PALM2AKAP2: variants seen among roughly 807,000 people sequenced by gnomAD.
The protein encoded by PALM2AKAP2 is PALM2-AKAP2 fusion protein.
A neutral mutation model predicts 71.5 loss-of-function variants in PALM2AKAP2; 37 were observed. The ratio of observed to expected loss-of-function variants is 0.52; its 90% CI spans 0.40 to 0.68. The LOEUF is 0.68. Ranked by LOEUF, PALM2AKAP2 falls within the 30% of genes least tolerant of loss-of-function variation. PALM2AKAP2 has a pLI of 0.00. For synonymous variants in PALM2AKAP2, 468 were observed against 478.8 expected, an observed-to-expected ratio of 0.98 and a Z score of 0.29; for missense variants, 1,224 against 1,191.8, an observed-to-expected ratio of 1.03 and a Z score of -0.40.
At chr9:109,801,574 G>A (rs1000316616) in intron 1 of PALM2AKAP2, among the ~76,000 whole-genome samples, 19 of 152,198 alleles carry the variant, frequency 1.2e-4, no homozygotes, top group Admixed American at 5.9e-4. Flanking sequence ...CTGGTGGCCT[G>A]TCAGCATGGA....
intron 1 of PALM2AKAP2, among the ~76,000 whole-genome samples, chr9:109,792,580 A>G (rs1827144876): frequency 6.6e-6 from 1 of 152,136 alleles, no homozygotes; most frequent in South Asian, 2.1e-4. Flanking sequence ...AATCTAAGTC[A>G]TTCTGCTTGG....
intron 2 of PALM2AKAP2, among the ~76,000 whole-genome samples, chr9:110,151,080 A>G (rs1046861987): frequency 6.6e-6 from 1 of 152,244 alleles, no homozygotes; most frequent in African/African-American, 2.4e-5. Context: ...TACTTATTAA[A>G]TGAACTTGGG....
At chr9:109,976,180 C>T (rs558876571) in intron 6 of PALM2AKAP2, among the ~76,000 whole-genome samples, 1 of 152,322 alleles carries the variant, frequency 6.6e-6, no homozygotes, top group Admixed American at 6.5e-5. Context: ...CCTTCTCATC[C>T]AGCACTACAG....
At chr9:109,699,854 C>T (rs1294019274) in intron 1 of PALM2AKAP2, among the ~76,000 whole-genome samples, 2 of 151,670 alleles carry the variant, frequency 1.3e-5, no homozygotes, top group East Asian at 1.9e-4. Context: ...CGGCTCACTG[C>T]AACCTCCGCC....
chr9:109,741,668 A>G (rs974916462), intron 1 of PALM2AKAP2, among the ~76,000 whole-genome samples: 1 of 152,198 alleles, frequency 6.6e-6, no homozygotes, highest in Non-Finnish European at 1.5e-5. Context: ...CATTCTGGAC[A>G]GTGTTCTGTG....
intron 1 of PALM2AKAP2, among the ~76,000 whole-genome samples, chr9:110,065,810 T>C (rs777167242): frequency 1.3e-5 from 2 of 152,252 alleles, no homozygotes; most frequent in African/African-American, 2.4e-5. Context: ...CACGTATTTG[T>C]CTTTCTGTGA....
chr9:109,961,190 A>G (rs1176247622), intron 6 of PALM2AKAP2, among the ~76,000 whole-genome samples: 1 of 152,234 alleles, frequency 6.6e-6, no homozygotes, highest in Non-Finnish European at 1.5e-5. Context: ...CTAAAATTCA[A>G]CCAGAAACTT....
chr9:109,761,077 A>G (rs1829044656), intron 1 of PALM2AKAP2, among the ~76,000 whole-genome samples: 1 of 152,210 alleles, frequency 6.6e-6, no homozygotes. Context: ...ATCATTTCTT[A>G]TGTTCTTCAT....
intron 6 of PALM2AKAP2, among the ~76,000 whole-genome samples, chr9:109,962,467 G>A (rs373786945): frequency 3.9e-5 from 6 of 152,058 alleles, no homozygotes; most frequent in African/African-American, 1.4e-4. Flanking sequence ...GCCTTATTGA[G>A]TAGTTGGGAA....
chr9:110,011,620 T>A (rs1832886528), intron 6 of PALM2AKAP2, among the ~76,000 whole-genome samples: 1 of 152,218 alleles, frequency 6.6e-6, no homozygotes. Flanking sequence ...TGTATAAACA[T>A]CTTCCTATAA....
chr9:109,965,202 A>G (rs1831924319), intron 6 of PALM2AKAP2, among the ~76,000 whole-genome samples: 1 of 152,200 alleles, frequency 6.6e-6, no homozygotes, highest in Admixed American at 6.5e-5. Flanking sequence ...AATCCCTACG[A>G]TAGATTTGTA....
At position 110,036,675 on chromosome 9, in the gene PALM2AKAP2, G is replaced by T. The variant is rs569497037; in HGVS notation, c.582+20636G>T. On this transcript the variant is annotated intron_variant, in intron 7 of 9. Transcript: ENST00000302798. ...ATGCAGTGGCTTCTCATCTTATTCA[G>T]GAAAATAGGTAATCCAAAGTGCTTA... Among the ~76,000 whole-genome samples the T allele has an allele frequency of 9.7e-4, 147 of 152,150 alleles. 1 individual carries two copies. The highest frequency in any genetic ancestry group is 3.4e-3 in the African/African-American group (141 of 41,512).
At chr9:110,101,177 T>A (rs983929660) in intron 1 of PALM2AKAP2, among the ~76,000 whole-genome samples, 13 of 152,104 alleles carry the variant, frequency 8.5e-5, no homozygotes, top group African/African-American at 3.1e-4. Context: ...CCAGGTCTTA[T>A]CCCCGCTTCA....
At chr9:109,859,046 CA>C (rs1354714039) in intron 1 of PALM2AKAP2, among the ~76,000 whole-genome samples, 1 of 152,082 alleles carries the variant, frequency 6.6e-6, no homozygotes, top group Non-Finnish European at 1.5e-5. Context: ...ACTAATAGGC[CA>C]GATATATTAA....
intron 1 of PALM2AKAP2, among the ~76,000 whole-genome samples, chr9:110,093,436 A>C (rs1159941661): frequency 1.3e-5 from 2 of 152,230 alleles, no homozygotes; most frequent in African/African-American, 4.8e-5. Flanking sequence ...ACAAAAAGCC[A>C]GGAGAAAAGA....
chr9:109,941,086 C>T (rs1015831638), intron 6 of PALM2AKAP2, among the ~76,000 whole-genome samples: 4 of 151,334 alleles, frequency 2.6e-5, no homozygotes, highest in Non-Finnish European at 5.9e-5. Context: ...TTCTTCTTCT[C>T]CTTCCTCTTC....
chr9:109,880,571 A>G, exon 3 of PALM2AKAP2: 1 of 1,613,150 alleles, frequency 6.2e-7, no homozygotes, highest in South Asian at 1.1e-5. Flanking sequence ...TTCGGGAGAA[A>G]TGGCTGCTGC....
intron 6 of PALM2AKAP2, among the ~76,000 whole-genome samples, chr9:109,941,743 C>T (rs1037156944): frequency 4.6e-5 from 7 of 152,104 alleles, no homozygotes; most frequent in Non-Finnish European, 7.3e-5. Flanking sequence ...AAAGAGCTGT[C>T]CTTAGCAACC....
chr9:110,067,453 C>A (rs1310630624), intron 1 of PALM2AKAP2, among the ~76,000 whole-genome samples: 1 of 152,160 alleles, frequency 6.6e-6, no homozygotes, highest in Admixed American at 6.5e-5. Context: ...TGGTATTTCC[C>A]ACGCAGGAGT....
Sources: gnomAD v4.1 joint callset for allele counts (sites outside exome capture counted in the v4.1 genomes callset) on GRCh38, gnomAD v4.1.1 for gene constraint, MANE v1.5 for transcripts, NCBI Gene and HGNC (gene_info 2026-07-23, HGNC 2026-07-21) for gene names.